DYM: variants seen among roughly 807,000 people sequenced by gnomAD.
DYM encodes the protein dymeclin, also known as dyggve-Melchior-Clausen syndrome protein.
In DYM, 78 loss-of-function variants were observed where a neutral mutation model predicts 93.1. That is an observed-to-expected ratio of 0.84 (90% confidence interval 0.70 to 1.01). The LOEUF (loss-of-function observed/expected upper bound fraction) is 1.01, where lower values mean the gene tolerates loss of function less well. Among genes scored for constraint, DYM ranks in the 50% least tolerant of loss-of-function variants. The pLI is 0.00. For missense variants in DYM, 789 were observed against 845.0 expected (o/e 0.93, Z 0.82); for synonymous variants, 321 against 319.7 (o/e 1.00, Z -0.04).
intron 14 of DYM, among the ~76,000 whole-genome samples, chr18:49,189,219 A>G (rs569085609): frequency 6.6e-6 from 1 of 152,332 alleles, no homozygotes; most frequent in East Asian, 1.9e-4. Context: ...TGTTCACTAT[A>G]TGGGTGACGG....
chr18:49,457,380 AAG>A (rs2083071733), intron 1 of DYM, among the ~76,000 whole-genome samples: 1 of 152,186 alleles, frequency 6.6e-6, no homozygotes, highest in Non-Finnish European at 1.5e-5. Flanking sequence ...GAATATGAAA[AAG>A]AGACCAAAAC....
intron 8 of DYM, among the ~76,000 whole-genome samples, chr18:49,308,734 A>G (rs933349261): frequency 3.3e-5 from 5 of 152,110 alleles, no homozygotes; most frequent in African/African-American, 1.2e-4. Flanking sequence ...GAAGGGGAAA[A>G]GAACAGGGGA....
At chr18:49,103,273 T>C (rs2080388396) in intron 16 of DYM, among the ~76,000 whole-genome samples, 1 of 152,194 alleles carries the variant, frequency 6.6e-6, no homozygotes, top group Admixed American at 6.5e-5. Context: ...GTTTTTTTCT[T>C]GTAAATTTGT....
At chr18:49,426,998 G>T (rs1018552632) in intron 2 of DYM, among the ~76,000 whole-genome samples, 4 of 151,996 alleles carry the variant, frequency 2.6e-5, no homozygotes, top group African/African-American at 9.7e-5. Flanking sequence ...CTTTACAGAA[G>T]AACTCCAGTT....
At chr18:49,433,622 T>A (rs922123186) in intron 1 of DYM, among the ~76,000 whole-genome samples, 1 of 152,090 alleles carries the variant, frequency 6.6e-6, no homozygotes, top group African/African-American at 2.4e-5. Context: ...TATCCCAACA[T>A]TTTGGGAGGC....
At chr18:49,079,049 T>C (rs1006687444) in intron 17 of DYM, among the ~76,000 whole-genome samples, 7 of 152,254 alleles carry the variant, frequency 4.6e-5, no homozygotes, top group African/African-American at 1.2e-4. Flanking sequence ...TGCCTTGACA[T>C]GAGATTCTTT....
intron 13 of DYM, among the ~76,000 whole-genome samples, chr18:49,210,158 A>G (rs946483528): frequency 2.0e-5 from 3 of 152,246 alleles, no homozygotes; most frequent in African/African-American, 7.2e-5. Flanking sequence ...GCAGTTTCTT[A>G]TAAAACTAAA....
chr18:49,376,873 A>G (rs1232734683), intron 5 of DYM, among the ~76,000 whole-genome samples: 4 of 152,252 alleles, frequency 2.6e-5, no homozygotes, highest in Non-Finnish European at 5.9e-5. Flanking sequence ...AGATTGCAGT[A>G]AAACAGAAAT....
chr18:49,160,240 C>A (rs1778606176), intron 15 of DYM, among the ~76,000 whole-genome samples: 2 of 152,218 alleles, frequency 1.3e-5, no homozygotes, highest in East Asian at 1.9e-4. Flanking sequence ...CCTTAAACAG[C>A]CAGGGCAGTT....
At chr18:49,405,891 A>G (rs1348074249) in intron 2 of DYM, among the ~76,000 whole-genome samples, 1 of 152,112 alleles carries the variant, frequency 6.6e-6, no homozygotes, top group African/African-American at 2.4e-5. Flanking sequence ...TGTATTGTCT[A>G]TGATTTCTTT....
intron 6 of DYM, among the ~76,000 whole-genome samples, chr18:49,338,799 T>G (rs1291397897): frequency 6.6e-6 from 1 of 152,088 alleles, no homozygotes; most frequent in African/African-American, 2.4e-5. Context: ...CTAAAGTTGA[T>G]AGAAGGAAGA....
At chr18:49,095,231 T>C (rs1325548776) in intron 17 of DYM, among the ~76,000 whole-genome samples, 2 of 152,212 alleles carry the variant, frequency 1.3e-5, no homozygotes, top group Admixed American at 6.5e-5. Flanking sequence ...AATTAAACTC[T>C]AGAGATTTTA....
In DYM at chr18:49,258,361, T is replaced by C. The variant is rs2145167952; in HGVS notation, c.1365+19A>G. 1 of 1,502,568 alleles carries C rather than the reference T, an allele frequency of 6.7e-7. No individual in the cohort carries two copies. The highest frequency in any genetic ancestry group is 9.3e-7 in the Non-Finnish European group (1 of 1,078,242). The allele number at this position is 1,502,568 out of a possible 1,614,324, so 93.1% of individuals were successfully genotyped here. ...TGTACTGTATGCAAAAAAGATAGAA[T>C]AGCAGCTGGAATACTTACTCGTGTC... On this transcript the variant is annotated intron_variant, in intron 12 of 17. Transcript: ENST00000675505.
intron 11 of DYM, among the ~76,000 whole-genome samples, chr18:49,265,640 T>G (rs1432355046): frequency 2.0e-5 from 3 of 151,646 alleles, no homozygotes; most frequent in Non-Finnish European, 4.4e-5. Context: ...TAGCCGGGTG[T>G]GGTGGCGGGC....
chr18:49,208,221 G>A (rs985571424), intron 14 of DYM, among the ~76,000 whole-genome samples: 1 of 149,376 alleles, frequency 6.7e-6, no homozygotes, highest in South Asian at 2.1e-4. Flanking sequence ...AGAAAAAGAC[G>A]TCAATTATCC....
rs2070841320 is a variant in DYM at position 49,039,812 on chromosome 18, T to C, written c.*4243A>G. On this transcript the variant is annotated 3_prime_UTR_variant, in exon 18 of 18. Coordinates refer to ENST00000675505, the MANE Select transcript of DYM (RefSeq NM_001353214.3). ...CTCATTTTTTTGAACACAGTAACCA[T>C]AGCTGTTTTAAATTCTGCGACAACT... Among the ~76,000 whole-genome samples the C allele has an allele frequency of 6.6e-6, 1 of 152,240 alleles. No homozygotes were observed. The highest frequency in any genetic ancestry group is 1.5e-5 in the Non-Finnish European group (1 of 68,042).
At chr18:49,162,000 G>A (rs1444521431) in intron 15 of DYM, among the ~76,000 whole-genome samples, 4 of 152,204 alleles carry the variant, frequency 2.6e-5, no homozygotes, top group African/African-American at 9.6e-5. Flanking sequence ...TTGTTGTCTG[G>A]AGATTTAGAG....
At chr18:49,203,226 T>TTGG (rs1555798936) in intron 14 of DYM, among the ~76,000 whole-genome samples, 21 of 37,668 alleles carry the variant, frequency 5.6e-4, no homozygotes, top group African/African-American at 1.5e-3. Flanking sequence ...GGGAGGGAGG[T>TTGG]GGGGGGGGTC....
chr18:49,274,207 T>A (rs763506473), intron 10 of DYM, among the ~76,000 whole-genome samples: 1 of 149,220 alleles, frequency 6.7e-6, no homozygotes, highest in African/African-American at 2.4e-5. Flanking sequence ...TCTGTCTCTA[T>A]AATTTCCCTA....
Sources: gnomAD v4.1 joint callset for allele counts (sites outside exome capture counted in the v4.1 genomes callset) on GRCh38, gnomAD v4.1.1 for gene constraint, MANE v1.5 for transcripts, NCBI Gene and HGNC (gene_info 2026-07-23, HGNC 2026-07-21) for gene names.